The following PID1 variants were observed in gnomAD, a reference collection of about 807,000 sequenced individuals.
PID1 encodes phosphotyrosine interaction domain containing 1.
PID1 carries 10 observed loss-of-function variants against 19.1 expected under a neutral mutation model. That is an observed-to-expected ratio of 0.52 (90% CI 0.32 to 0.89). The LOEUF (loss-of-function observed/expected upper bound fraction) is 0.89, where lower values mean the gene tolerates loss of function less well. PID1 is among the 40% of genes least tolerant of loss of function. The pLI is 0.03. For missense variants in PID1, 248 were observed against 285.3 expected (o/e 0.87, Z 0.94); for synonymous variants, 130 against 116.0 (o/e 1.12, Z -0.78).
intron 1 of PID1, among the ~76,000 whole-genome samples, chr2:229,170,039 A>G (rs2106208783): frequency 6.6e-6 from 1 of 152,274 alleles, no homozygotes; most frequent in South Asian, 2.1e-4. Context: ...CCCTGTCAAG[A>G]GCTGACAAGG....
chr2:229,025,992 C>A lies in PID1; in HGVS notation c.294G>T (p.Pro98=). ...KHTLAREDVF[P]ANALLEIRPF... is the part of the protein sequence containing the mutation. ...GCCGGATTTCCAGGAGGGCATTGGC[C>A]GGAAAGACATCCTCTCGGGCTAGCG... is the stretch of plus-strand genomic sequence containing the variant. The change falls in exon 3 of 3, where the codon CCG becomes CCT. Residue 98 remains proline, a synonymous_variant. Coordinates refer to ENST00000392055, the MANE Select transcript of PID1 (RefSeq NM_001100818.2). The A allele has an allele frequency of 6.2e-7, 1 of 1,614,180 alleles. No individual in the cohort carries two copies. The highest frequency in any genetic ancestry group is 1.7e-5 in the Admixed American group (1 of 60,032).
intron 2 of PID1, among the ~76,000 whole-genome samples, chr2:229,046,044 G>A (rs1471990446): frequency 6.6e-6 from 1 of 152,132 alleles, no homozygotes. Flanking sequence ...CTGGCTGGTA[G>A]CAATTCAATC....
chr2:229,205,864 G>C (rs1227322856), intron 1 of PID1, among the ~76,000 whole-genome samples: 1 of 152,102 alleles, frequency 6.6e-6, no homozygotes, highest in Non-Finnish European at 1.5e-5. Context: ...TAACATTCTT[G>C]ACATAAATCC....
At chr2:229,185,944 C>T (rs568387533) in intron 1 of PID1, among the ~76,000 whole-genome samples, 1 of 152,326 alleles carries the variant, frequency 6.6e-6, no homozygotes, top group African/African-American at 2.4e-5. Context: ...CAAGACAAGT[C>T]AGGTCCCTTC....
rs553322604 is a variant in PID1 at position 229,146,525 on chromosome 2, T to G, written c.177+9293A>C. On this transcript the variant is annotated intron_variant, in intron 2 of 2. Transcript: ENST00000392055. ...AAAAAAATTATGAACTGTGAACATT[T>G]TGTGTGTGTGTGTGTGTGTGTGTGT... Among the ~76,000 whole-genome samples, 576 of 148,774 alleles carry G rather than the reference T, an allele frequency of 3.9e-3. 5 individuals are homozygous for G. The highest frequency in any genetic ancestry group is 0.013 in the African/African-American group (549 of 40,738).
At chr2:229,104,456 A>T (rs1438804337) in intron 2 of PID1, among the ~76,000 whole-genome samples, 1 of 152,234 alleles carries the variant, frequency 6.6e-6, no homozygotes, top group Non-Finnish European at 1.5e-5. Flanking sequence ...TCTAATTTTT[A>T]AAAATACAAA....
chr2:229,106,191 T>C (rs1226437062), intron 2 of PID1, among the ~76,000 whole-genome samples: 1 of 152,092 alleles, frequency 6.6e-6, no homozygotes, highest in African/African-American at 2.4e-5. Context: ...AATAACAGGT[T>C]ATCTCATATT....
intron 2 of PID1, among the ~76,000 whole-genome samples, chr2:229,052,934 T>C (rs1163769383): frequency 6.6e-6 from 1 of 152,194 alleles, no homozygotes; most frequent in Non-Finnish European, 1.5e-5. Context: ...AAACAAAGCT[T>C]TGTCTCAAAT....
At position 229,113,441 on chromosome 2, in the gene PID1, TACACACACAA is replaced by T. The variant is rs1488759076; in HGVS notation, c.177+42367_177+42376del. ...ATATATACACACACATACATATATA[TACACACACAA>T]ACACACACACACATAGATATGTGTG... is the stretch of plus-strand genomic sequence containing the variant. On this transcript the variant is annotated intron_variant, in intron 2 of 2. Coordinates refer to ENST00000392055, the MANE Select transcript of PID1 (RefSeq NM_001100818.2). 2.0e-4 allele frequency among the ~76,000 whole-genome samples: 19 copies of T among 94,150 alleles called. No homozygotes were observed. The East Asian group carries it at 4.6e-3, about 23-fold the overall frequency. The allele number at this position is 94,150 out of a possible 152,430, so 61.8% of individuals were successfully genotyped here. A position where few individuals can be genotyped will look rare whatever the true frequency, so the allele number is the denominator to read the frequency against.
Position 229,134,231 on chromosome 2 carries a change from G to GTTTTTTTTTTTT in PID1, c.177+21575_177+21586dup, listed in dbSNP as rs60513006. ...TTCAATAACAATGTTTACTACCTGT[G>GTTTTTTTTTTTT]TTTTTTTTTTTTTTTTTTTTTGAGA... On this transcript the variant is annotated intron_variant, in intron 2 of 2. Coordinates refer to ENST00000392055, the MANE Select transcript of PID1 (RefSeq NM_001100818.2). 9.8e-4 allele frequency among the ~76,000 whole-genome samples: 107 copies of GTTTTTTTTTTTT among 109,188 alleles called. 3 individuals are homozygous for GTTTTTTTTTTTT. The highest frequency in any genetic ancestry group is 3.3e-3 in the African/African-American group (92 of 27,866). The allele number at this position is 109,188 out of a possible 152,430, so 71.6% of individuals were successfully genotyped here.
chr2:229,269,720 T>C (rs1398231901), intron 1 of PID1, among the ~76,000 whole-genome samples: 19 of 152,206 alleles, frequency 1.2e-4, no homozygotes, highest in Admixed American at 1.2e-3. Context: ...AGTGCTGATA[T>C]TCTCTTAGTA....
chr2:229,029,016 T>A (rs566060972), intron 2 of PID1, among the ~76,000 whole-genome samples: 3 of 150,950 alleles, frequency 2.0e-5, no homozygotes, highest in Non-Finnish European at 3.0e-5. Context: ...TAAGTAGGAG[T>A]AAACATTGAG....
chr2:229,046,195 A>G (rs1228756827), intron 2 of PID1, among the ~76,000 whole-genome samples: 1 of 152,200 alleles, frequency 6.6e-6, no homozygotes, highest in African/African-American at 2.4e-5. Flanking sequence ...AATAAACAAG[A>G]TGAAAGAATG....
intron 2 of PID1, among the ~76,000 whole-genome samples, chr2:229,102,700 C>G (rs140450592): frequency 2.7e-4 from 41 of 152,246 alleles, no homozygotes; most frequent in African/African-American, 8.7e-4. Context: ...CCCTCTAGGT[C>G]CTGTTATAGA....
intron 2 of PID1, among the ~76,000 whole-genome samples, chr2:229,026,804 G>A (rs992504218): frequency 6.6e-6 from 1 of 152,132 alleles, no homozygotes; most frequent in African/African-American, 2.4e-5. Context: ...TAGAATGCTG[G>A]CTTATCACCT....
chr2:229,155,909 G>A lies in PID1; in HGVS notation c.86C>T (p.Pro29Leu). 1 of 1,613,958 alleles carries A rather than the reference G, an allele frequency of 6.2e-7. No individual in the cohort carries two copies. Among genetic ancestry groups the A allele is most frequent in the Non-Finnish European group, 8.5e-7 (1 of 1,179,964 alleles). Residue 29 changes from proline (P) to leucine (L), a missense_variant, in exon 2 of 3, where the codon CCT (proline) becomes CTT (leucine). By Grantham distance (98) the Pro-to-Leu change is moderately conservative. Transcript: ENST00000392055. Reference sequence around the variant, plus strand: ...CTCATGGAAGATGACCGCTGGGAGAGGTTCCTTTTTCAGTGTTAAGACATT... The same window carrying A: ...CTCATGGAAGATGACCGCTGGGAGAAGTTCCTTTTTCAGTGTTAAGACATT... ...KLNVLTLKKE[P>L]LPAVIFHEPE... is the part of the protein sequence containing the mutation.
At chr2:229,123,207 C>A (rs542858607) in intron 2 of PID1, among the ~76,000 whole-genome samples, 1 of 152,188 alleles carries the variant, frequency 6.6e-6, no homozygotes, top group Non-Finnish European at 1.5e-5. Flanking sequence ...CCTAAGGCAA[C>A]CACTAATCTA....
intron 1 of PID1, among the ~76,000 whole-genome samples, chr2:229,219,609 T>C (rs928408066): frequency 1.3e-5 from 2 of 152,044 alleles, no homozygotes; most frequent in African/African-American, 4.8e-5. Context: ...TCATAGCTCA[T>C]TGCAGCTTCA....
At chr2:229,149,615 A>G (rs1048412632) in intron 2 of PID1, among the ~76,000 whole-genome samples, 2 of 152,206 alleles carry the variant, frequency 1.3e-5, no homozygotes, top group African/African-American at 4.8e-5. Flanking sequence ...GAATCTCAAA[A>G]AAGGCAATAT....
Sources: allele counts gnomAD v4.1 joint callset (sites outside exome capture counted in the v4.1 genomes callset), GRCh38; gene constraint gnomAD v4.1.1; transcripts MANE v1.5; gene names NCBI Gene and HGNC (gene_info 2026-07-23, HGNC 2026-07-21).